LRRN2: variants seen among roughly 807,000 people sequenced by gnomAD.
LRRN2 encodes the protein leucine-rich repeat neuronal protein 2.
LRRN2 carries 10 observed loss-of-function variants against 35.7 expected under a neutral mutation model. That is an observed-to-expected ratio of 0.28 (90% confidence interval 0.17 to 0.47). LRRN2 has a LOEUF of 0.47. Among genes scored for constraint, LRRN2 ranks in the 20% least tolerant of loss-of-function variants. LRRN2 has a pLI of 0.99. For missense variants in LRRN2, 731 were observed against 940.3 expected (o/e 0.78, Z 2.91); for synonymous variants, 391 against 409.6 (o/e 0.95, Z 0.55).
chr1:204,619,332 C>G lies in LRRN2; in HGVS notation c.661G>C (p.Ala221Pro). 4 of 1,614,214 alleles carry G rather than the reference C, an allele frequency of 2.5e-6. No individual in the cohort carries two copies. The highest frequency in any genetic ancestry group is 3.4e-6 in the Non-Finnish European group (4 of 1,180,036). ...PLANLRSLVL[A>P]GMNLREISDY... ...GAGATCTCCCGCAGGTTCATGCCTG[C>G]TAGCACCAGGCTACGCAGGTTGGCC... Residue 221 changes from alanine (A) to proline (P), a missense_variant, in exon 2 of 2, where the codon GCA (alanine) becomes CCA (proline). By Grantham distance (27) the Ala-to-Pro change is conservative. Coordinates refer to ENST00000367177, the MANE Select transcript of LRRN2 (RefSeq NM_201630.2).
rs1309991531 is a variant in LRRN2 at position 204,673,975 on chromosome 1, C to T, written c.-227+11345G>A. Among the ~76,000 whole-genome samples the T allele has an allele frequency of 2.0e-5, 3 of 152,056 alleles. No individual in the cohort carries two copies. The East Asian group carries it at 5.8e-4, about 29-fold the overall frequency. ...CCAGGTACCCTTTTGTTCTCAGGGC[C>T]CAGGAAACAGATAGGAGAGTGGTGG... On this transcript the variant is annotated intron_variant, in intron 1 of 1. Transcript: ENST00000367177.
chr1:204,678,637 C>T (rs906315967), intron 1 of LRRN2, among the ~76,000 whole-genome samples: 3 of 152,052 alleles, frequency 2.0e-5, no homozygotes, highest in Admixed American at 6.5e-5. Context: ...GCCTCCACGC[C>T]GCCTCTGACT....
chr1:204,660,227 TCGTTTCTCCTTC>T (rs1461633263), intron 1 of LRRN2, among the ~76,000 whole-genome samples: 1 of 150,714 alleles, frequency 6.6e-6, no homozygotes, highest in Non-Finnish European at 1.5e-5. Context: ...AGCTCCACCC[TCGTTTCTCCTTC>T]CAGCTCCACC....
In LRRN2 at chr1:204,619,499, C is replaced by T. The variant is rs777569255; in HGVS notation, c.494G>A (p.Ser165Asn). ...RIAPRAFSGLSNLLRLHLNSN... is the reference protein window; with the variant it reads ...RIAPRAFSGLNNLLRLHLNSN... The stretch of plus-strand genomic sequence containing the variant: ...GTTGAGGTGCAGCCGCAGCAAGTTG[C>T]TGAGGCCAGAAAAGGCCCTGGGGGC... The change falls in exon 2 of 2, where the codon AGC becomes AAC. Residue 165 changes from serine to asparagine, a missense_variant. By Grantham distance (46) the Ser-to-Asn change is conservative. Coordinates refer to ENST00000367177, the MANE Select transcript of LRRN2 (RefSeq NM_201630.2). 5 of 1,614,238 alleles carry T rather than the reference C, an allele frequency of 3.1e-6. No individual in the cohort carries two copies. The South Asian group carries it at 4.4e-5, about 14-fold the overall frequency.
chr1:204,678,960 C>G (rs527291380), intron 1 of LRRN2, among the ~76,000 whole-genome samples: 41 of 152,334 alleles, frequency 2.7e-4, no homozygotes, highest in African/African-American at 9.9e-4. Flanking sequence ...TCACTGCTGT[C>G]TGCCCTCAGT....
intron 1 of LRRN2, among the ~76,000 whole-genome samples, chr1:204,671,324 G>A (rs917551223): frequency 6.6e-6 from 1 of 151,752 alleles, no homozygotes; most frequent in Admixed American, 6.6e-5. Flanking sequence ...GAGGAACGTG[G>A]TAGGAACACC....
In LRRN2 at chr1:204,618,385, G is replaced by T. The variant is rs1200953624; in HGVS notation, c.1608C>A (p.Thr536=). The T allele has an allele frequency of 6.2e-7, 1 of 1,610,574 alleles. No homozygotes were observed. Among genetic ancestry groups the T allele is most frequent in the African/African-American group, 1.3e-5 (1 of 75,002 alleles). ...AAGATAGCAGGATGTGATAGGGGTG[G>T]GTCTCCTGCACCCGGAGCTCCAGCC... is the stretch of plus-strand genomic sequence containing the variant. ...GQGLELRVQE[T]HPYHILLSWV... Residue 536 remains threonine, a synonymous_variant, in exon 2 of 2, where the codon ACC becomes ACA. Transcript: ENST00000367177.
chr1:204,617,531 A>C lies in LRRN2; in HGVS notation c.*320T>G. On this transcript the variant is annotated 3_prime_UTR_variant, in exon 2 of 2. Coordinates refer to ENST00000367177, the MANE Select transcript of LRRN2 (RefSeq NM_201630.2). Reference sequence around the variant, plus strand: ...AGGGGTGCAGCCCGGGGACACAGGTAGGGGACAGCCAAGCCAGGCCCAGGA... The same window carrying C: ...AGGGGTGCAGCCCGGGGACACAGGTCGGGGACAGCCAAGCCAGGCCCAGGA... 1 of 356,882 alleles carries C rather than the reference A, an allele frequency of 2.8e-6. No individual in the cohort carries two copies. The highest frequency in any genetic ancestry group is 5.2e-6 in the Non-Finnish European group (1 of 193,598). 22.1% of individuals were successfully genotyped at this position (356,882 alleles called of 1,614,324 possible). A position where few individuals can be genotyped will look rare whatever the true frequency, so the allele number is the denominator to read the frequency against.
chr1:204,650,504 C>A (rs1355042253), intron 1 of LRRN2, among the ~76,000 whole-genome samples: 2 of 152,022 alleles, frequency 1.3e-5, no homozygotes, highest in East Asian at 3.8e-4. Flanking sequence ...TAGTCTTACC[C>A]TCAGGTGGGA....
At chr1:204,652,270 C>CCCCT (rs1668250730) in intron 1 of LRRN2, among the ~76,000 whole-genome samples, 2 of 65,788 alleles carry the variant, frequency 3.0e-5, no homozygotes, top group African/African-American at 5.2e-5. Context: ...GCCCCCCCCC[C>CCCCT]GCCCCCCCGC....
In LRRN2 at chr1:204,619,116, T is replaced by C; in HGVS notation, c.877A>G (p.Asn293Asp). 6.2e-7 allele frequency: 1 copy of C among 1,612,128 alleles called. No individual in the cohort carries two copies. Among genetic ancestry groups the C allele is most frequent in the Non-Finnish European group, 8.5e-7 (1 of 1,178,920 alleles). The change falls in exon 2 of 2, where the codon AAC (asparagine) becomes GAC (aspartate). Residue 293 changes from asparagine (N) to aspartate (D), a missense_variant. Around this residue, in one of 3 missense-constraint regions of LRRN2, gnomAD observed 256 missense variants for 392.4 expected, o/e 0.65. Coordinates refer to ENST00000367177, the MANE Select transcript of LRRN2 (RefSeq NM_201630.2). ...NMLHLKELGL[N>D]NMEELVSIDK... The stretch of plus-strand genomic sequence containing the variant: ...ATGGAGACCAGCTCCTCCATGTTGT[T>C]CAGTCCCAGCTCCTTAAGGTGCAGC...
chr1:204,635,696 G>C (rs886126761), intron 1 of LRRN2, among the ~76,000 whole-genome samples: 1 of 152,222 alleles, frequency 6.6e-6, no homozygotes, highest in Non-Finnish European at 1.5e-5. Flanking sequence ...CTGTCTTAAA[G>C]TGCAGTGGAA....
At chr1:204,678,133 C>T (rs1392702161) in intron 1 of LRRN2, among the ~76,000 whole-genome samples, 3 of 152,204 alleles carry the variant, frequency 2.0e-5, no homozygotes, top group Non-Finnish European at 4.4e-5. Context: ...GTTCTGATAA[C>T]ATTTATAGTC....
chr1:204,636,153 A>G (rs1276935844), intron 1 of LRRN2, among the ~76,000 whole-genome samples: 2 of 152,150 alleles, frequency 1.3e-5, no homozygotes, highest in African/African-American at 2.4e-5. Flanking sequence ...CACTGTCACA[A>G]TCCTGGTCAT....
At position 204,635,559 on chromosome 1, in the gene LRRN2, C is replaced by A. The variant is rs567202241; in HGVS notation, c.-226-15341G>T. Among the ~76,000 whole-genome samples the A allele has an allele frequency of 1.1e-4, 17 of 152,274 alleles. No individual in the cohort carries two copies. In the South Asian group the frequency reaches 2.9e-3, roughly 26 times the overall value. On this transcript the variant is annotated intron_variant, in intron 1 of 1. Transcript: ENST00000367177. ...ACCAGGCATGAAGGGAACAGGAAAC[C>A]ATGCAGGCAGCAAATAAAATCTCTA...
intron 1 of LRRN2, among the ~76,000 whole-genome samples, chr1:204,673,052 C>A (rs914985395): frequency 6.6e-6 from 1 of 152,164 alleles, no homozygotes; most frequent in Non-Finnish European, 1.5e-5. Context: ...CTGCTACTAG[C>A]CTTCCGAAGG....
At chr1:204,634,597 G>A (rs919254548) in intron 1 of LRRN2, among the ~76,000 whole-genome samples, 2 of 152,134 alleles carry the variant, frequency 1.3e-5, no homozygotes, top group South Asian at 2.1e-4. Context: ...CATGTGCCAC[G>A]GAGACAGATG....
intron 1 of LRRN2, chr1:204,633,328 A>T (rs1014060835): frequency 6.6e-6 from 1 of 152,232 alleles, no homozygotes; most frequent in African/African-American, 2.4e-5. Flanking sequence ...ACTACGATCT[A>T]TGTGATTCTC....
intron 1 of LRRN2, among the ~76,000 whole-genome samples, chr1:204,677,260 C>A (rs1668843657): frequency 9.9e-5 from 15 of 152,196 alleles, no homozygotes; most frequent in Admixed American, 9.8e-4. Context: ...TCTGCGTCTT[C>A]CAGGGGGTTG....
Sources: allele counts gnomAD v4.1 joint callset (sites outside exome capture counted in the v4.1 genomes callset), GRCh38; gene constraint gnomAD v4.1.1; regional missense constraint gnomAD v4.1.1; transcripts MANE v1.5; gene names NCBI Gene and HGNC (gene_info 2026-07-23, HGNC 2026-07-21).